ZZZ3: variants seen among roughly 807,000 people sequenced by gnomAD.
ZZZ3 encodes the protein ZZ-type zinc finger-containing protein 3.
ZZZ3 carries 22 observed loss-of-function variants against 95.2 expected under a neutral mutation model. The observed-to-expected ratio is 0.23, with a 90% CI of 0.17 to 0.33. The LOEUF (loss-of-function observed/expected upper bound fraction) is 0.33, where lower values mean the gene tolerates loss of function less well. Among genes scored for constraint, ZZZ3 ranks in the 10% least tolerant of loss-of-function variants. The pLI, the probability that ZZZ3 is intolerant of heterozygous loss-of-function variation, is 1.00. For synonymous variants in ZZZ3, 335 were observed against 358.9 expected, an observed-to-expected ratio of 0.93 and a Z score of 0.75; for missense variants, 885 against 1,066.5, an observed-to-expected ratio of 0.83 and a Z score of 2.37.
intron 5 of ZZZ3, among the ~76,000 whole-genome samples, chr1:77,614,053 T>A (rs1365573768): frequency 6.6e-6 from 1 of 152,188 alleles, no homozygotes; most frequent in Non-Finnish European, 1.5e-5. Context: ...TAAATGCATC[T>A]CTCAGCTAAG....
Position 77,632,193 on chromosome 1 carries a change from T to A in ZZZ3, c.1162A>T (p.Thr388Ser). 1 of 1,614,092 alleles carries A rather than the reference T, an allele frequency of 6.2e-7. No homozygotes were observed. Among genetic ancestry groups the A allele is most frequent in the Non-Finnish European group, 8.5e-7 (1 of 1,180,024 alleles). The change falls in exon 5 of 15, where the codon ACC (threonine) becomes TCC (serine). Residue 388 changes from threonine (T) to serine (S), a missense_variant. Physicochemically the swap from Thr to Ser is moderately conservative, Grantham distance 58. Coordinates refer to ENST00000370801, the MANE Select transcript of ZZZ3 (RefSeq NM_015534.6). ...CTGTTTTTAGTGGGACTACCTCTGGTAGGGGCTGCCCTTCGTGGTGAGGTT... is the reference window on the plus strand; with the variant it reads ...CTGTTTTTAGTGGGACTACCTCTGGAAGGGGCTGCCCTTCGTGGTGAGGTT... ...LRTSPRRAAP[T>S]RGSPTKNSSP...
chr1:77,645,599 G>A (rs1034331310), intron 1 of ZZZ3: 33 of 152,102 alleles, frequency 2.2e-4, no homozygotes, highest in Admixed American at 2.2e-3. Flanking sequence ...TCCAATTTGA[G>A]TAAAACAGAC....
At chr1:77,659,217 T>C (rs1670564749) in intron 1 of ZZZ3, among the ~76,000 whole-genome samples, 1 of 152,120 alleles carries the variant, frequency 6.6e-6, no homozygotes, top group Non-Finnish European at 1.5e-5. Context: ...ATACTTTACA[T>C]AGAAGACTTA....
intron 5 of ZZZ3, among the ~76,000 whole-genome samples, chr1:77,602,175 C>A (rs1268553646): frequency 6.6e-6 from 1 of 152,054 alleles, no homozygotes; most frequent in Non-Finnish European, 1.5e-5. Context: ...TCAACAAGAG[C>A]AAAGACAATG....
chr1:77,659,351 T>C (rs1455954406), intron 1 of ZZZ3, among the ~76,000 whole-genome samples: 1 of 152,054 alleles, frequency 6.6e-6, no homozygotes, highest in Non-Finnish European at 1.5e-5. Flanking sequence ...CTAATATACT[T>C]AATCAATTTT....
Position 77,600,672 on chromosome 1 carries a change from C to T in ZZZ3, c.1506-16017G>A, listed in dbSNP as rs369890575. On this transcript the variant is annotated intron_variant, in intron 5 of 14. Transcript: ENST00000370801. ...AAAGGGTTCCCGGGGTTGTTCCAAA[C>T]AGAAGAGATAACATGCAGAAACGTT... 1.8e-3 allele frequency among the ~76,000 whole-genome samples: 275 copies of T among 152,162 alleles called. 1 individual carries two copies. The highest frequency in any genetic ancestry group is 6.4e-3 in the African/African-American group (267 of 41,530).
intron 1 of ZZZ3, among the ~76,000 whole-genome samples, chr1:77,651,562 G>C (rs1310856311): frequency 6.6e-6 from 1 of 152,250 alleles, no homozygotes; most frequent in East Asian, 1.9e-4. Context: ...AAACAGAATG[G>C]TGGTTGCCAG....
At chr1:77,642,075 A>G (rs1000426646) in intron 1 of ZZZ3, among the ~76,000 whole-genome samples, 6 of 152,192 alleles carry the variant, frequency 3.9e-5, no homozygotes, top group Non-Finnish European at 5.9e-5. Flanking sequence ...AAAGATAATG[A>G]CGGTCCTTTA....
At chr1:77,592,206 C>T (rs1663770977) in intron 5 of ZZZ3, among the ~76,000 whole-genome samples, 1 of 152,208 alleles carries the variant, frequency 6.6e-6, no homozygotes, top group Non-Finnish European at 1.5e-5. Flanking sequence ...CACCTCCAAC[C>T]CTGAATCAAG....
intron 1 of ZZZ3, among the ~76,000 whole-genome samples, chr1:77,664,086 G>GA (rs956746859): frequency 2.2e-3 from 289 of 133,272 alleles, no homozygotes; most frequent in Middle Eastern, 3.8e-3. Flanking sequence ...AAATGTCTTG[G>GA]AAAAAAAAAA....
intron 1 of ZZZ3, among the ~76,000 whole-genome samples, chr1:77,671,900 T>C (rs1671819358): frequency 1.3e-5 from 2 of 152,078 alleles, no homozygotes; most frequent in Admixed American, 6.6e-5. Flanking sequence ...AAACCAGATA[T>C]ATACTATGTT....
Position 77,641,534 on chromosome 1 carries a change from G to A in ZZZ3, c.-281C>T, listed in dbSNP as rs1668774949. 35 of 397,968 alleles carry A rather than the reference G, an allele frequency of 8.8e-5. No individual in the cohort carries two copies. In the East Asian group the frequency reaches 1.2e-3, roughly 14 times the overall value. 24.7% of individuals were successfully genotyped at this position (397,968 alleles called of 1,614,324 possible). On this transcript the variant is annotated 5_prime_UTR_variant, in exon 2 of 15. In the 5' UTR this introduces an upstream ATG that the reference lacks. Coordinates refer to ENST00000370801, the MANE Select transcript of ZZZ3 (RefSeq NM_015534.6). ...CATTATTTCTTACCTTTTAAAAAGC[G>A]TTTTGCCTAGTATTTGATCCCCATG...
At chr1:77,589,432 ATT>A (rs1663439718) in intron 5 of ZZZ3, among the ~76,000 whole-genome samples, 1 of 150,518 alleles carries the variant, frequency 6.6e-6, no homozygotes, top group Non-Finnish European at 1.5e-5. Context: ...TTATTTATTT[ATT>A]TATTTATTTA....
At chr1:77,678,596 G>A (rs912312035) in intron 1 of ZZZ3, among the ~76,000 whole-genome samples, 1 of 152,188 alleles carries the variant, frequency 6.6e-6, no homozygotes, top group Non-Finnish European at 1.5e-5. Flanking sequence ...GATTATAGGA[G>A]TGTATGTATT....
At chr1:77,657,364 A>G (rs1300463203) in intron 1 of ZZZ3, among the ~76,000 whole-genome samples, 1 of 152,202 alleles carries the variant, frequency 6.6e-6, no homozygotes, top group East Asian at 1.9e-4. Context: ...GCCTTCTTGC[A>G]CTTAGGAACA....
chr1:77,565,592 C>T lies in ZZZ3; in HGVS notation c.*48G>A. ...ACTGTGCACATAATTAACAATGATA[C>T]CATTGCTATGTGTTGAAGAGGACTA... On this transcript the variant is annotated 3_prime_UTR_variant, in exon 15 of 15. Transcript: ENST00000370801. 2 of 1,567,416 alleles carry T rather than the reference C, an allele frequency of 1.3e-6. No homozygotes were observed. Among genetic ancestry groups the T allele is most frequent in the Non-Finnish European group, 1.7e-6 (2 of 1,146,898 alleles).
At chr1:77,582,452 C>A (rs1377703208) in intron 6 of ZZZ3, among the ~76,000 whole-genome samples, 1 of 152,044 alleles carries the variant, frequency 6.6e-6, no homozygotes, top group Non-Finnish European at 1.5e-5. Flanking sequence ...ATATATATCA[C>A]CAGTTTCATT....
At chr1:77,669,109 T>C (rs1293947196) in intron 1 of ZZZ3, among the ~76,000 whole-genome samples, 1 of 151,920 alleles carries the variant, frequency 6.6e-6, no homozygotes, top group Admixed American at 6.6e-5. Context: ...CTTGTAGAGA[T>C]AAAGCTCTTA....
intron 1 of ZZZ3, among the ~76,000 whole-genome samples, chr1:77,659,047 C>G (rs1359800655): frequency 6.6e-6 from 1 of 150,968 alleles, no homozygotes; most frequent in Non-Finnish European, 1.5e-5. Flanking sequence ...GGAGAAACCC[C>G]GTCTCTACTA....
Sources: gnomAD v4.1 joint callset for allele counts (sites outside exome capture counted in the v4.1 genomes callset) on GRCh38, gnomAD v4.1.1 for gene constraint, MANE v1.5 for transcripts, NCBI Gene and HGNC (gene_info 2026-07-23, HGNC 2026-07-21) for gene names.